DSCAM: variants seen among roughly 807,000 people sequenced by gnomAD.
DSCAM encodes DS cell adhesion molecule, also known as cell adhesion molecule DSCAM.
DSCAM carries 47 observed loss-of-function variants against 217.7 expected under a neutral mutation model. The ratio of observed to expected loss-of-function variants is 0.22; its 90% CI spans 0.17 to 0.28. DSCAM has a LOEUF of 0.28. Ranked by LOEUF, DSCAM falls within the 10% of genes least tolerant of loss-of-function variation. DSCAM has a pLI of 1.00. For missense variants in DSCAM, 2,080 were observed against 2,618.3 expected (o/e 0.79, Z 4.49); for synonymous variants, 1,056 against 1,015.3 (o/e 1.04, Z -0.76).
At chr21:40,415,027 AAAG>A (rs1391498260) in intron 3 of DSCAM, among the ~76,000 whole-genome samples, 2 of 152,210 alleles carry the variant, frequency 1.3e-5, no homozygotes, top group East Asian at 3.8e-4. Context: ...AAAGCTACAG[AAAG>A]AAGGTGTGAT....
chr21:40,608,810 T>C (rs2089276103), intron 3 of DSCAM, among the ~76,000 whole-genome samples: 2 of 152,234 alleles, frequency 1.3e-5, no homozygotes, highest in Non-Finnish European at 2.9e-5. Context: ...ACAATTTTGG[T>C]TTGAAGTGTA....
At chr21:40,452,237 T>TACACACACACACACACACACAC (rs71186937) in intron 3 of DSCAM, among the ~76,000 whole-genome samples, 177 of 144,454 alleles carry the variant, frequency 1.2e-3, no homozygotes, top group African/African-American at 2.1e-3. Context: ...TACACTATAT[T>TACACACACACACACACACACAC]ACACACACAC....
chr21:40,792,764 C>CT (rs2091657260), intron 1 of DSCAM, among the ~76,000 whole-genome samples: 1 of 152,140 alleles, frequency 6.6e-6, no homozygotes, highest in Admixed American at 6.5e-5. Context: ...AATAAAACTC[C>CT]TTCTGGCCAA....
chr21:40,350,905 T>TTC (rs61391000), intron 5 of DSCAM, among the ~76,000 whole-genome samples: 1 of 142,884 alleles, frequency 7.0e-6, no homozygotes, highest in South Asian at 2.3e-4. Flanking sequence ...TTTTTTTTTT[T>TTC]AGAATTGGGG....
intron 1 of DSCAM, among the ~76,000 whole-genome samples, chr21:40,772,068 T>C (rs1020330067): frequency 2.0e-5 from 3 of 150,972 alleles, no homozygotes; most frequent in African/African-American, 7.2e-5. Flanking sequence ...ACACAGAATT[T>C]TCATAATAAG....
intron 16 of DSCAM, among the ~76,000 whole-genome samples, chr21:40,162,178 T>C (rs2090547679): frequency 6.6e-6 from 1 of 152,198 alleles, no homozygotes; most frequent in Admixed American, 6.5e-5. Flanking sequence ...TGGGTGGAAG[T>C]CCTCAATCTG....
chr21:40,534,865 C>A (rs77788935), intron 3 of DSCAM, among the ~76,000 whole-genome samples: 1 of 152,046 alleles, frequency 6.6e-6, no homozygotes, highest in African/African-American at 2.4e-5. Context: ...AAATCATGGG[C>A]GGTTGTAATG....
intron 3 of DSCAM, among the ~76,000 whole-genome samples, chr21:40,566,435 TAA>T (rs1308551423): frequency 6.6e-6 from 1 of 152,236 alleles, no homozygotes; most frequent in Non-Finnish European, 1.5e-5. Context: ...CTAAGTAGTT[TAA>T]GACTCTCCAG....
intron 1 of DSCAM, among the ~76,000 whole-genome samples, chr21:40,780,411 G>GTATATATATATATATATATA (rs749398798): frequency 3.3e-4 from 29 of 88,476 alleles, no homozygotes; most frequent in Non-Finnish European, 5.2e-4. Context: ...GTGTGTGTGT[G>GTATATATATATATATATATA]TGTGTGTGTG....
intron 3 of DSCAM, among the ~76,000 whole-genome samples, chr21:40,648,267 A>ACACACACACC (rs944042843): frequency 6.7e-6 from 1 of 149,060 alleles, no homozygotes; most frequent in African/African-American, 2.6e-5. Flanking sequence ...ACACACACAC[A>ACACACACACC]CACACACACA....
intron 9 of DSCAM, among the ~76,000 whole-genome samples, chr21:40,301,969 A>T (rs1181944331): frequency 6.6e-6 from 1 of 152,162 alleles, no homozygotes; most frequent in African/African-American, 2.4e-5. Flanking sequence ...AGATGGAAGG[A>T]TGTGAAGCCT....
At chr21:40,397,848 TACC>T (rs889718116) in intron 3 of DSCAM, among the ~76,000 whole-genome samples, 15 of 152,028 alleles carry the variant, frequency 9.9e-5, no homozygotes, top group African/African-American at 2.7e-4. Flanking sequence ...CCACTAATAC[TACC>T]ACCACCACTA....
chr21:40,353,394 G>A, intron 5 of DSCAM, 71 bp downstream of exon 5: 1 of 1,564,014 alleles, frequency 6.4e-7, no homozygotes, highest in Non-Finnish European at 8.6e-7. Flanking sequence ...AGAAAACATG[G>A]AGATTTGCTT....
At chr21:40,309,812 C>T (rs2074118301) in intron 9 of DSCAM, among the ~76,000 whole-genome samples, 1 of 152,156 alleles carries the variant, frequency 6.6e-6, no homozygotes. Context: ...GCATTTTTAT[C>T]TTGTCTGAAT....
intron 16 of DSCAM, among the ~76,000 whole-genome samples, chr21:40,153,197 G>A: frequency 6.6e-6 from 1 of 152,130 alleles, no homozygotes; most frequent in East Asian, 1.9e-4. Flanking sequence ...TCAGTGAATG[G>A]GTGCATCACA....
intron 12 of DSCAM, among the ~76,000 whole-genome samples, chr21:40,188,231 T>A (rs143064133): frequency 6.6e-6 from 1 of 152,196 alleles, no homozygotes; most frequent in Non-Finnish European, 1.5e-5. Context: ...GGCGGATGGA[T>A]AGGATTCACG....
At chr21:40,451,960 G>A (rs1236014140) in intron 3 of DSCAM, among the ~76,000 whole-genome samples, 2 of 152,126 alleles carry the variant, frequency 1.3e-5, no homozygotes, top group Non-Finnish European at 2.9e-5. Context: ...GGTTATGACA[G>A]AAGGGTCCCT....
At chr21:40,632,640 A>C (rs74489370) in intron 3 of DSCAM, among the ~76,000 whole-genome samples, 4,982 of 152,312 alleles carry the variant, frequency 0.033, 175 homozygotes, top group East Asian at 0.19. Flanking sequence ...TGGAATAACA[A>C]GATCACACGA....
At chr21:40,785,265 A>G (rs1413106202) in intron 1 of DSCAM, among the ~76,000 whole-genome samples, 1 of 152,222 alleles carries the variant, frequency 6.6e-6, no homozygotes, top group Non-Finnish European at 1.5e-5. Flanking sequence ...ATTATCCTCC[A>G]GGAGCTGTGA....
Sources: allele counts gnomAD v4.1 joint callset (sites outside exome capture counted in the v4.1 genomes callset), GRCh38; gene constraint gnomAD v4.1.1; transcripts MANE v1.5; gene names NCBI Gene and HGNC (gene_info 2026-07-23, HGNC 2026-07-21).